The following PBK variants were observed in gnomAD, a reference collection of about 807,000 sequenced individuals.
PBK encodes the protein PDZ binding kinase.
A neutral mutation model predicts 33.5 loss-of-function variants in PBK; 22 were observed. That is an observed-to-expected ratio of 0.66 (90% CI 0.47 to 0.94). The LOEUF (loss-of-function observed/expected upper bound fraction) is 0.94, where lower values mean the gene tolerates loss of function less well. PBK is among the 40% of genes least tolerant of loss of function. The pLI, the probability that PBK is intolerant of heterozygous loss-of-function variation, is 0.00. For missense variants in PBK, 376 were observed against 383.4 expected, an observed-to-expected ratio of 0.98 and a Z score of 0.16; for synonymous variants, 129 against 123.8, an observed-to-expected ratio of 1.04 and a Z score of -0.28.
intron 3 of PBK, among the ~76,000 whole-genome samples, chr8:27,826,076 T>C (rs1201750212): frequency 1.3e-5 from 2 of 151,722 alleles, no homozygotes; most frequent in African/African-American, 2.4e-5. Flanking sequence ...TCCAGGACAG[T>C]GGGGGGGACA....
chr8:27,816,468 C>T (rs1805817573), intron 6 of PBK, among the ~76,000 whole-genome samples: 1 of 151,512 alleles, frequency 6.6e-6, no homozygotes, highest in African/African-American at 2.4e-5. Flanking sequence ...GCTCTGCCTC[C>T]TGGGTTCACG....
In PBK at chr8:27,810,407, T is replaced by C. The variant is rs1805651973; in HGVS notation, c.867A>G (p.Ser289=). The part of the protein sequence containing the change: ...PPINMEELDE[S]YQKVIELFSV... ...AGAAGAGTTCAATTACTTTCTGGTA[T>C]GATTCATCCAGTTCTTCCATATTAA... The change falls in exon 8 of 8, where the codon TCA becomes TCG. Residue 289 remains serine (S), a synonymous_variant. Transcript: ENST00000301905. 4 of 1,605,162 alleles carry C rather than the reference T, an allele frequency of 2.5e-6. No homozygotes were observed. Among genetic ancestry groups the C allele is most frequent in the Non-Finnish European group, 3.4e-6 (4 of 1,171,838 alleles).
chr8:27,822,236 A>G, intron 5 of PBK, 83 bp downstream of exon 5: 1 of 1,041,690 alleles, frequency 9.6e-7, no homozygotes, highest in Non-Finnish European at 1.4e-6. Context: ...ATCCACATTC[A>G]AAGATGTCCT....
intron 6 of PBK, among the ~76,000 whole-genome samples, chr8:27,814,452 T>C (rs1178484216): frequency 1.3e-5 from 2 of 152,112 alleles, no homozygotes; most frequent in East Asian, 3.8e-4. Context: ...TTTATATATT[T>C]CATTATCTTT....
At chr8:27,816,357 ATTTATTTATT>A (rs1178195214) in intron 6 of PBK, among the ~76,000 whole-genome samples, 18 of 132,516 alleles carry the variant, frequency 1.4e-4, no homozygotes, top group South Asian at 4.8e-4. Context: ...ATATATATAT[ATTTATTTATT>A]TATTTATTTA....
At chr8:27,836,887 G>T (rs898873970) in intron 1 of PBK, among the ~76,000 whole-genome samples, 4 of 152,160 alleles carry the variant, frequency 2.6e-5, no homozygotes, top group Non-Finnish European at 4.4e-5. Flanking sequence ...ACAGTTGTCT[G>T]AGGGCCACTT....
chr8:27,832,544 G>A (rs546719577), intron 2 of PBK, among the ~76,000 whole-genome samples: 4 of 152,268 alleles, frequency 2.6e-5, no homozygotes, highest in Non-Finnish European at 5.9e-5. Flanking sequence ...AGTTTAGGAC[G>A]GTTGCAGGAT....
At position 27,837,728 on chromosome 8, in the gene PBK, G is replaced by C. The variant is rs1054218661; in HGVS notation, c.-97C>G. Reference sequence around the variant, plus strand: ...CAAGTACCTCTTCAAAATTGGTCCCGAGCGGCCCCCAGCGAGACCCTGCAG... The same window carrying C: ...CAAGTACCTCTTCAAAATTGGTCCCCAGCGGCCCCCAGCGAGACCCTGCAG... On this transcript the variant is annotated 5_prime_UTR_variant, in exon 1 of 8. Coordinates refer to ENST00000301905, the MANE Select transcript of PBK (RefSeq NM_018492.4). The C allele has an allele frequency of 1.3e-5, 2 of 152,304 alleles. No homozygotes were observed. Among genetic ancestry groups the C allele is most frequent in the African/African-American group, 4.8e-5 (2 of 41,470 alleles). 9.4% of individuals were successfully genotyped at this position (152,304 alleles called of 1,614,324 possible).
chr8:27,825,161 T>A (rs912154917), intron 3 of PBK, among the ~76,000 whole-genome samples: 1 of 152,210 alleles, frequency 6.6e-6, no homozygotes, highest in Non-Finnish European at 1.5e-5. Flanking sequence ...CACGTAGGCC[T>A]GGAAGGGTTA....
In PBK at chr8:27,810,959, T is replaced by A; in HGVS notation, c.771A>T (p.Glu257Asp). 1.3e-6 allele frequency: 2 copies of A among 1,547,648 alleles called. No individual in the cohort carries two copies. Among genetic ancestry groups the A allele is most frequent in the Non-Finnish European group, 1.8e-6 (2 of 1,120,504 alleles). The stretch of plus-strand genomic sequence containing the variant: ...TTATGTTAGAAATTGTATTCATACC[T>A]TCATCATCATCATCATTTGAAAGAT... ...HINLSNDDDD[E>D]DKTFDESDFD... Residue 257 changes from glutamate (E) to aspartate (D), a missense_variant and splice_region_variant, in exon 7 of 8, where the codon GAA becomes GAT. Coordinates refer to ENST00000301905, the MANE Select transcript of PBK (RefSeq NM_018492.4).
At position 27,810,515 on chromosome 8, in the gene PBK, G is replaced by A. The variant is rs778323580; in HGVS notation, c.773-14C>T. The A allele has an allele frequency of 1.3e-6, 2 of 1,521,670 alleles. No individual in the cohort carries two copies. The highest frequency in any genetic ancestry group is 2.8e-5 in the African/African-American group (2 of 72,612). 94.3% of individuals were successfully genotyped at this position (1,521,670 alleles called of 1,614,324 possible). A position where few individuals can be genotyped will look rare whatever the true frequency, so the allele number is the denominator to read the frequency against. On this transcript the variant is annotated splice_polypyrimidine_tract_variant and intron_variant, in intron 7 of 7. Transcript: ENST00000301905. ...CAAAAGTTTTATCTTGAAGGAGTTA[G>A]AGATTGAAACAATAAACAAAATCAC...
At position 27,810,128 on chromosome 8, in the gene PBK, AG is replaced by A; in HGVS notation, c.*176del. ...TTACAGAAAACCCAGTACAATTCCA[AG>A]TGCTTATAGCCAATATAAGCATATT... On this transcript the variant is annotated 3_prime_UTR_variant, in exon 8 of 8. Coordinates refer to ENST00000301905, the MANE Select transcript of PBK (RefSeq NM_018492.4). 1.8e-6 allele frequency: 1 copy of A among 570,182 alleles called. No homozygotes were observed. The highest frequency in any genetic ancestry group is 3.1e-6 in the Non-Finnish European group (1 of 327,192). 35.3% of individuals were successfully genotyped at this position (570,182 alleles called of 1,614,324 possible).
intron 6 of PBK, among the ~76,000 whole-genome samples, chr8:27,818,478 A>G (rs1363029392): frequency 6.6e-6 from 1 of 152,198 alleles, no homozygotes; most frequent in Non-Finnish European, 1.5e-5. Context: ...CAGATAATTT[A>G]CACAGTGTGA....
At chr8:27,833,413 G>T (rs910594155) in intron 1 of PBK, among the ~76,000 whole-genome samples, 4 of 152,042 alleles carry the variant, frequency 2.6e-5, no homozygotes, top group African/African-American at 9.7e-5. Flanking sequence ...GGAGGCTGAG[G>T]CAGGAGAATC....
Position 27,834,173 on chromosome 8 carries a change from G to A in PBK, c.-20-1040C>T, listed in dbSNP as rs929594710. Among the ~76,000 whole-genome samples, 6 of 151,824 alleles carry A rather than the reference G, an allele frequency of 4.0e-5. No homozygotes were observed. In the East Asian group the frequency reaches 9.7e-4, roughly 25 times the overall value. ...CTCCTGAGTAGCTGGGACTACCAGC[G>A]CCCACCACCACACCTGGCTAATTTT... On this transcript the variant is annotated intron_variant, in intron 1 of 7. Coordinates refer to ENST00000301905, the MANE Select transcript of PBK (RefSeq NM_018492.4).
chr8:27,813,060 T>A (rs1207828052), intron 6 of PBK, among the ~76,000 whole-genome samples: 1 of 152,178 alleles, frequency 6.6e-6, no homozygotes, highest in Non-Finnish European at 1.5e-5. Flanking sequence ...TAGCAAAGAC[T>A]TGGAACCAAC....
Position 27,811,269 on chromosome 8 carries a change from A to G in PBK, c.596-135T>C. On this transcript the variant is annotated intron_variant, in intron 6 of 7. Transcript: ENST00000301905. Reference sequence around the variant, plus strand: ...GTGTAGCCAGAAAATGTAAAAATACACTCAACCTCAATAAGGATTACTTTC... The same window carrying G: ...GTGTAGCCAGAAAATGTAAAAATACGCTCAACCTCAATAAGGATTACTTTC... The G allele has an allele frequency of 1.3e-5, 9 of 704,840 alleles. 1 individual carries two copies. In the South Asian group the frequency reaches 1.5e-4, roughly 12 times the overall value. The allele number at this position is 704,840 out of a possible 1,614,324, so 43.7% of individuals were successfully genotyped here. A position where few individuals can be genotyped will look rare whatever the true frequency, so the allele number is the denominator to read the frequency against.
At chr8:27,820,424 G>A (rs942358229) in intron 6 of PBK, 141 bp downstream of exon 6, 1 of 576,536 alleles carries the variant, frequency 1.7e-6, no homozygotes, top group Non-Finnish European at 3.0e-6. Flanking sequence ...AGGCTGACTG[G>A]GAGAGAGAGA....
At chr8:27,822,960 C>A (rs1391894488) in intron 4 of PBK, 103 bp downstream of exon 4, 1 of 731,374 alleles carries the variant, frequency 1.4e-6, no homozygotes. Flanking sequence ...TATCCAGCCC[C>A]ATCCTCTTCA....
Sources: allele counts gnomAD v4.1 joint callset (sites outside exome capture counted in the v4.1 genomes callset), GRCh38; gene constraint gnomAD v4.1.1; transcripts MANE v1.5; gene names NCBI Gene and HGNC (gene_info 2026-07-23, HGNC 2026-07-21).